Variants in TRAPPC9 observed in about 807,000 individuals in gnomAD.
TRAPPC9 encodes the protein trafficking protein particle complex subunit 9, also known as IKK2 binding protein.
In TRAPPC9, 83 loss-of-function variants were observed where a neutral mutation model predicts 124.0. The ratio of observed to expected loss-of-function variants is 0.67; its 90% CI spans 0.56 to 0.80. TRAPPC9 has a LOEUF of 0.80. TRAPPC9 is among the 30% of genes least tolerant of loss of function. The pLI is 0.00. For synonymous variants in TRAPPC9, 638 were observed against 617.5 expected, an observed-to-expected ratio of 1.03 and a Z score of -0.49; for missense variants, 1,302 against 1,508.3, an observed-to-expected ratio of 0.86 and a Z score of 2.27.
At position 139,910,333 on chromosome 8, in the gene TRAPPC9, C is replaced by A. The variant is rs774721313; in HGVS notation, c.2811-33G>T. The stretch of plus-strand genomic sequence containing the variant: ...AAAGGGGAAAACACAGCAGAGAATT[C>A]ATCAGTAGGGCAATTTCTGCCGGCT... On this transcript the variant is annotated intron_variant, in intron 19 of 22. Transcript: ENST00000438773. 16 of 1,613,406 alleles carry A rather than the reference C, an allele frequency of 9.9e-6. No homozygotes were observed. In the Admixed American group the frequency reaches 2.0e-4, roughly 20 times the overall value.
intron 18 of TRAPPC9, among the ~76,000 whole-genome samples, chr8:139,996,158 CAAA>C: frequency 5.3e-3 from 103 of 19,434 alleles, no homozygotes; most frequent in African/African-American, 0.013. Flanking sequence ...AAAACTTAAG[CAAA>C]AAAAAAAAAA....
intron 21 of TRAPPC9, among the ~76,000 whole-genome samples, chr8:139,842,259 G>T (rs2130891965): frequency 6.6e-6 from 1 of 152,294 alleles, no homozygotes; most frequent in African/African-American, 2.4e-5. Flanking sequence ...TGGCCTTGGG[G>T]ATTTTTCTCC....
At position 140,049,604 on chromosome 8, in the gene TRAPPC9, A is replaced by G. The variant is rs138499485; in HGVS notation, c.2557-25525T>C. On this transcript the variant is annotated intron_variant, in intron 17 of 22. Transcript: ENST00000438773. Reference sequence around the variant, plus strand: ...CAACCAGGGAAGTGAATAGAAGGTTATGTATCCCTCCCATTTGCTCGTCGG... The same window carrying G: ...CAACCAGGGAAGTGAATAGAAGGTTGTGTATCCCTCCCATTTGCTCGTCGG... 1.9e-3 allele frequency among the ~76,000 whole-genome samples: 285 copies of G among 151,256 alleles called. 2 individuals are homozygous for G. Among genetic ancestry groups the G allele is most frequent in the African/African-American group, 6.4e-3 (261 of 41,098 alleles).
intron 21 of TRAPPC9, among the ~76,000 whole-genome samples, chr8:139,852,463 G>A (rs991396416): frequency 1.2e-4 from 19 of 152,256 alleles, no homozygotes; most frequent in East Asian, 3.9e-4. Flanking sequence ...TACACAGTGC[G>A]TGCTCTGACA....
chr8:140,021,342 A>T (rs941165579), intron 18 of TRAPPC9, among the ~76,000 whole-genome samples: 2 of 152,166 alleles, frequency 1.3e-5, no homozygotes, highest in African/African-American at 4.8e-5. Flanking sequence ...TATTATAACA[A>T]TTTGCATATA....
intron 4 of TRAPPC9, among the ~76,000 whole-genome samples, chr8:140,433,268 G>C (rs936349540): frequency 1.3e-5 from 2 of 150,000 alleles, no homozygotes; most frequent in Admixed American, 1.3e-4. Flanking sequence ...CTTCAGCCTG[G>C]GCAACAGAGC....
intron 21 of TRAPPC9, among the ~76,000 whole-genome samples, chr8:139,775,565 A>G (rs4736092): frequency 0.14 from 21,625 of 152,204 alleles, 2,210 homozygotes; most frequent in African/African-American, 0.28. Flanking sequence ...GGTGTGGGCT[A>G]ACTGGGGGCA....
At chr8:140,193,333 T>C (rs1047634484) in intron 17 of TRAPPC9, among the ~76,000 whole-genome samples, 4 of 152,226 alleles carry the variant, frequency 2.6e-5, no homozygotes, top group Admixed American at 2.6e-4. Context: ...CTTGCAGATC[T>C]AAGCTTTAAA....
At chr8:140,383,681 G>A (rs533194699) in intron 7 of TRAPPC9, among the ~76,000 whole-genome samples, 49 of 152,262 alleles carry the variant, frequency 3.2e-4, no homozygotes, top group African/African-American at 8.7e-4. Context: ...CCAAATCAAC[G>A]TTTGATTGGT....
chr8:140,366,637 G>A (rs898958349), intron 8 of TRAPPC9, among the ~76,000 whole-genome samples: 2 of 152,104 alleles, frequency 1.3e-5, no homozygotes, highest in Non-Finnish European at 1.5e-5. Context: ...GTTAACACAA[G>A]AGAAAATCTA....
At chr8:139,935,669 CTTTTTTT>C (rs377706417) in intron 19 of TRAPPC9, among the ~76,000 whole-genome samples, 3 of 132,570 alleles carry the variant, frequency 2.3e-5, no homozygotes, top group Non-Finnish European at 3.2e-5. Context: ...TCAGTCTTTG[CTTTTTTT>C]TTTTTTTTTT....
chr8:140,060,271 C>T (rs1842522197), intron 17 of TRAPPC9, among the ~76,000 whole-genome samples: 1 of 152,208 alleles, frequency 6.6e-6, no homozygotes, highest in African/African-American at 2.4e-5. Context: ...GGGTGTCCCA[C>T]GAGGTCCCTC....
intron 21 of TRAPPC9, among the ~76,000 whole-genome samples, chr8:139,762,519 T>C (rs1586791177): frequency 6.6e-6 from 1 of 152,156 alleles, no homozygotes; most frequent in African/African-American, 2.4e-5. Flanking sequence ...AGCGTGTGAC[T>C]GTACTGAACG....
intron 21 of TRAPPC9, among the ~76,000 whole-genome samples, chr8:139,842,961 G>C (rs1446033625): frequency 2.6e-5 from 4 of 152,232 alleles, no homozygotes; most frequent in African/African-American, 9.6e-5. Flanking sequence ...GTACGTGGCA[G>C]GCTGGGCATA....
intron 20 of TRAPPC9, among the ~76,000 whole-genome samples, chr8:139,903,644 G>A (rs1023467479): frequency 2.0e-5 from 3 of 152,240 alleles, no homozygotes; most frequent in Non-Finnish European, 4.4e-5. Context: ...CATCCCGTGA[G>A]TTGCAGTTCC....
intron 11 of TRAPPC9, among the ~76,000 whole-genome samples, chr8:140,296,165 A>G (rs755082602): frequency 6.6e-6 from 1 of 152,266 alleles, no homozygotes; most frequent in Non-Finnish European, 1.5e-5. Context: ...TGCCGGCAGC[A>G]TCAGCATCAA....
chr8:139,809,875 G>T (rs1028872548), intron 21 of TRAPPC9, among the ~76,000 whole-genome samples: 2 of 152,270 alleles, frequency 1.3e-5, no homozygotes, highest in South Asian at 2.1e-4. Flanking sequence ...TTCCTGAGCG[G>T]CAGGATACTG....
chr8:139,863,889 CAG>C (rs1165171770), intron 21 of TRAPPC9, among the ~76,000 whole-genome samples: 1 of 152,352 alleles, frequency 6.6e-6, no homozygotes, highest in Non-Finnish European at 1.5e-5. Flanking sequence ...GGCTGGAAAA[CAG>C]AGTGCAGGTC....
At chr8:140,220,024 C>T (rs144425907) in intron 17 of TRAPPC9, among the ~76,000 whole-genome samples, 155 of 152,282 alleles carry the variant, frequency 1.0e-3, no homozygotes, top group African/African-American at 3.1e-3. Context: ...ACCTGGGGCA[C>T]GCCCTGGGAA....
Sources: gnomAD v4.1 joint callset for allele counts (sites outside exome capture counted in the v4.1 genomes callset) on GRCh38, gnomAD v4.1.1 for gene constraint, MANE v1.5 for transcripts, NCBI Gene and HGNC (gene_info 2026-07-23, HGNC 2026-07-21) for gene names.